The following AGMO variants were observed in gnomAD, a reference collection of about 807,000 sequenced individuals.
AGMO encodes alkylglycerol monooxygenase, also known as glyceryl-ether monooxygenase.
Under a neutral mutation model 60.2 loss-of-function variants are expected in AGMO, and 75 were observed. That is an observed-to-expected ratio of 1.25 (90% CI 1.03 to 1.51). The LOEUF (loss-of-function observed/expected upper bound fraction) is 1.51. Among genes scored for constraint, AGMO ranks in the 40% most tolerant of loss-of-function variants. The probability of loss-of-function intolerance (pLI) is 0.00; values close to 1 mark genes in which losing one functional copy is unlikely to be tolerated. For missense variants in AGMO, 763 were observed against 525.5 expected, an observed-to-expected ratio of 1.45 and a Z score of -4.42; for synonymous variants, 261 against 177.1, an observed-to-expected ratio of 1.47 and a Z score of -3.76.
the AGMO span, among the ~76,000 whole-genome samples, chr7:15,151,818 G>A: frequency 1.7e-4 from 26 of 152,172 alleles, no homozygotes; most frequent in East Asian, 4.3e-3. Flanking sequence ...TATTTGTTAG[G>A]TCCATTTGGT....
chr7:15,522,548 C>T (rs1784025252), intron 3 of AGMO, among the ~76,000 whole-genome samples: 1 of 152,104 alleles, frequency 6.6e-6, no homozygotes, highest in Non-Finnish European at 1.5e-5. Context: ...TAACACCACA[C>T]ATCTACAACC....
chr7:15,417,119 A>G (rs1486895965), intron 5 of AGMO, among the ~76,000 whole-genome samples: 1 of 152,238 alleles, frequency 6.6e-6, no homozygotes, highest in African/African-American at 2.4e-5. Flanking sequence ...CAAACCATGA[A>G]TTTCAGAAGA....
chr7:15,430,157 C>T (rs1333182833), intron 4 of AGMO, among the ~76,000 whole-genome samples: 8 of 151,940 alleles, frequency 5.3e-5, no homozygotes, highest in Middle Eastern at 3.4e-3. Flanking sequence ...GCACATAGTA[C>T]GTACTTATTA....
intron 3 of AGMO, among the ~76,000 whole-genome samples, chr7:15,530,587 T>C (rs866708467): frequency 1.0e-5 from 1 of 96,828 alleles, no homozygotes; most frequent in African/African-American, 3.7e-5. Flanking sequence ...TACGTATTTC[T>C]ATATATATAT....
intron 12 of AGMO, among the ~76,000 whole-genome samples, chr7:15,276,233 C>T (rs1783781948): frequency 6.6e-6 from 1 of 152,126 alleles, no homozygotes; most frequent in African/African-American, 2.4e-5. Flanking sequence ...CTAGTGGTGA[C>T]AAATACCCTT....
At chr7:15,467,124 C>G (rs1446095689) in intron 3 of AGMO, among the ~76,000 whole-genome samples, 4 of 152,000 alleles carry the variant, frequency 2.6e-5, no homozygotes, top group Non-Finnish European at 5.9e-5. Context: ...GAATGTAAAT[C>G]CTATTCAGTG....
chr7:15,523,806 C>T (rs1469988938), intron 3 of AGMO, among the ~76,000 whole-genome samples: 1 of 151,984 alleles, frequency 6.6e-6, no homozygotes, highest in Non-Finnish European at 1.5e-5. Context: ...GCTCATTCTG[C>T]ACATGTATCC....
Position 15,329,030 on chromosome 7 carries a change from C to T in AGMO, c.1263+36484G>A, listed in dbSNP as rs117995195. Among the ~76,000 whole-genome samples the T allele has an allele frequency of 3.3e-4, 51 of 152,260 alleles. No individual in the cohort carries two copies. The East Asian group carries it at 7.3e-3, about 22-fold the overall frequency. On this transcript the variant is annotated intron_variant, in intron 12 of 12. Coordinates refer to ENST00000342526, the MANE Select transcript of AGMO (RefSeq NM_001004320.2). ...GTTTGCCAAGAGTTCATAGAAAACA[C>T]ATACATCCTTCACTATCCTTCCTCC...
chr7:15,315,961 T>C (rs901421318), intron 12 of AGMO, among the ~76,000 whole-genome samples: 3 of 152,066 alleles, frequency 2.0e-5, no homozygotes, highest in Admixed American at 6.6e-5. Context: ...TCTAGGGAAA[T>C]AATTTATAAA....
chr7:15,178,022 A>C, the AGMO span, among the ~76,000 whole-genome samples: 1 of 152,068 alleles, frequency 6.6e-6, no homozygotes, highest in Non-Finnish European at 1.5e-5. Flanking sequence ...TGTTCGTTTT[A>C]TGTACTCCAC....
intron 12 of AGMO, among the ~76,000 whole-genome samples, chr7:15,348,595 T>C (rs1006054914): frequency 7.2e-5 from 11 of 152,250 alleles, no homozygotes; most frequent in African/African-American, 2.4e-4. Context: ...GGCTAATTTC[T>C]TTCCATTTCT....
chr7:15,375,165 T>C (rs1783398114), intron 10 of AGMO, among the ~76,000 whole-genome samples: 1 of 152,080 alleles, frequency 6.6e-6, no homozygotes. Context: ...TATTATCTTT[T>C]TTGAATGCTC....
chr7:15,460,106 C>CTTTTTTTTTTTTTTTTTTT (rs67388173), intron 3 of AGMO, among the ~76,000 whole-genome samples: 2 of 121,704 alleles, frequency 1.6e-5, no homozygotes, highest in Non-Finnish European at 3.4e-5. Context: ...CCAATTTCCC[C>CTTTTTTTTTTTTTTTTTTT]TTTTTTTTTT....
intron 12 of AGMO, among the ~76,000 whole-genome samples, chr7:15,244,393 CTT>C (rs994612343): frequency 6.6e-6 from 1 of 152,046 alleles, no homozygotes; most frequent in Non-Finnish European, 1.5e-5. Flanking sequence ...GACTGTATAT[CTT>C]TTTTATCTCA....
intron 12 of AGMO, among the ~76,000 whole-genome samples, chr7:15,341,382 T>C (rs1781841709): frequency 6.6e-6 from 1 of 152,148 alleles, no homozygotes; most frequent in South Asian, 2.1e-4. Flanking sequence ...CACCAGTCCT[T>C]TTGCTAAAGC....
At chr7:15,339,488 TGTTCA>T (rs1781765146) in intron 12 of AGMO, among the ~76,000 whole-genome samples, 2 of 152,322 alleles carry the variant, frequency 1.3e-5, no homozygotes, top group South Asian at 4.1e-4. Context: ...TTTTAGAGGA[TGTTCA>T]GCTGGAATTA....
chr7:15,249,184 G>T (rs543454064), intron 12 of AGMO, among the ~76,000 whole-genome samples: 2 of 152,222 alleles, frequency 1.3e-5, no homozygotes, highest in South Asian at 4.2e-4. Flanking sequence ...CATGTTAAGA[G>T]CTGAATAATG....
At chr7:15,547,824 G>T (rs1000741229) in intron 2 of AGMO, among the ~76,000 whole-genome samples, 3 of 152,034 alleles carry the variant, frequency 2.0e-5, no homozygotes, top group African/African-American at 7.3e-5. Flanking sequence ...ACAGCTCAAG[G>T]AGGCCTGCCT....
chr7:15,347,269 C>G lies in AGMO; in HGVS notation c.1263+18245G>C, dbSNP rs940695093. ...ATCTATTTCCTGGCTCTTCACTAAC[C>G]GTGTAACTGGCCAACAAACTTAACC... On this transcript the variant is annotated intron_variant, in intron 12 of 12. Transcript: ENST00000342526. 3.3e-5 allele frequency among the ~76,000 whole-genome samples: 5 copies of G among 152,098 alleles called. No individual in the cohort carries two copies. The East Asian group carries it at 9.7e-4, about 29-fold the overall frequency.
Sources: gnomAD v4.1 joint callset for allele counts (sites outside exome capture counted in the v4.1 genomes callset) on GRCh38, gnomAD v4.1.1 for gene constraint, MANE v1.5 for transcripts, NCBI Gene and HGNC (gene_info 2026-07-23, HGNC 2026-07-21) for gene names.